ADAMTS17: variants seen among roughly 807,000 people sequenced by gnomAD.
ADAMTS17 encodes A disintegrin and metalloproteinase with thrombospondin motifs 17.
Under a neutral mutation model 141.5 loss-of-function variants are expected in ADAMTS17, and 113 were observed. The observed-to-expected ratio is 0.80, with a 90% confidence interval of 0.69 to 0.93. The LOEUF (loss-of-function observed/expected upper bound fraction) is 0.93. Ranked by LOEUF, ADAMTS17 falls within the 40% of genes least tolerant of loss-of-function variation. ADAMTS17 has a pLI of 0.00. For synonymous variants in ADAMTS17, 768 were observed against 630.6 expected, an observed-to-expected ratio of 1.22 and a Z score of -3.27; for missense variants, 1,659 against 1,517.9, an observed-to-expected ratio of 1.09 and a Z score of -1.54.
intron 18 of ADAMTS17, among the ~76,000 whole-genome samples, chr15:100,038,862 A>G (rs2030995483): frequency 6.6e-6 from 1 of 152,262 alleles, no homozygotes; most frequent in African/African-American, 2.4e-5. Context: ...TTGGATAGAA[A>G]TAGTAAGAGC....
intron 3 of ADAMTS17, among the ~76,000 whole-genome samples, chr15:100,314,469 G>T (rs1021533712): frequency 5.9e-5 from 9 of 152,190 alleles, no homozygotes; most frequent in African/African-American, 2.2e-4. Flanking sequence ...GGGAGAAAGG[G>T]TTGGAATACG....
intron 7 of ADAMTS17, among the ~76,000 whole-genome samples, chr15:100,234,232 GACAGT>G (rs2042583133): frequency 1.3e-5 from 2 of 152,192 alleles, no homozygotes; most frequent in Non-Finnish European, 2.9e-5. Flanking sequence ...CAGAAACAAA[GACAGT>G]ACAACAGCCA....
chr15:100,180,220 C>T (rs1412711558), intron 8 of ADAMTS17, among the ~76,000 whole-genome samples: 2 of 152,194 alleles, frequency 1.3e-5, no homozygotes, highest in East Asian at 3.8e-4. Context: ...GATCTAGTTT[C>T]AGTTTTCTGC....
chr15:100,190,869 C>A (rs1281857313), intron 8 of ADAMTS17, among the ~76,000 whole-genome samples: 1 of 152,244 alleles, frequency 6.6e-6, no homozygotes, highest in Non-Finnish European at 1.5e-5. Context: ...GGGCTCAGCG[C>A]TGGCCCTGGT....
chr15:100,189,991 A>C (rs560349243), intron 8 of ADAMTS17, among the ~76,000 whole-genome samples: 6 of 152,268 alleles, frequency 3.9e-5, no homozygotes, highest in African/African-American at 1.4e-4. Context: ...AACGCTGACC[A>C]GCCTGCCTTC....
chr15:100,087,857 C>T (rs1359959563), intron 15 of ADAMTS17, among the ~76,000 whole-genome samples: 2 of 152,176 alleles, frequency 1.3e-5, no homozygotes, highest in South Asian at 2.1e-4. Flanking sequence ...TAAGAGCTAT[C>T]TATGACAAAC....
intron 20 of ADAMTS17, among the ~76,000 whole-genome samples, chr15:99,988,984 G>A (rs570577842): frequency 2.6e-5 from 4 of 152,124 alleles, no homozygotes; most frequent in Non-Finnish European, 4.4e-5. Context: ...AGTGTCCAGC[G>A]AGTCCTCAGA....
Position 100,341,333 on chromosome 15 carries a change from C to T in ADAMTS17, c.156G>A (p.Pro52=). Residue 52 remains proline, a synonymous_variant, in exon 2 of 22, where the codon CCG becomes CCA. Coordinates refer to ENST00000268070, the MANE Select transcript of ADAMTS17 (RefSeq NM_139057.4). Reference sequence around the variant, plus strand: ...GTCGGGGCCCGGGGGCTGCGGGCAGCGGCGGCAGGTGCACGTCGTCGGGGC... The same window carrying T: ...GTCGGGGCCCGGGGGCTGCGGGCAGTGGCGGCAGGTGCACGTCGTCGGGGC... ...RVRPDDVHLP[P]LPAAPGPRRR... is the part of the protein sequence containing the mutation. The T allele has an allele frequency of 2.0e-6, 2 of 1,023,734 alleles. No homozygotes were observed. Among genetic ancestry groups the T allele is most frequent in the Non-Finnish European group, 1.2e-6 (1 of 857,196 alleles). The allele number at this position is 1,023,734 out of a possible 1,614,324, so 63.4% of individuals were successfully genotyped here.
Position 100,048,838 on chromosome 15 carries a change from A to G in ADAMTS17, c.2591+19T>C, listed in dbSNP as rs201082059. The G allele has an allele frequency of 4.9e-5, 79 of 1,614,080 alleles. 1 individual carries two copies. The African/African-American group carries it at 1.0e-3, about 21-fold the overall frequency. ...CCCCAGACTCTGGTGGGTCCAAGCTACAGAACCCAGCTTCTTACCGTGACT... is the reference window on the plus strand; with the variant it reads ...CCCCAGACTCTGGTGGGTCCAAGCTGCAGAACCCAGCTTCTTACCGTGACT... On this transcript the variant is annotated intron_variant, in intron 18 of 21. Coordinates refer to ENST00000268070, the MANE Select transcript of ADAMTS17 (RefSeq NM_139057.4).
intron 15 of ADAMTS17, among the ~76,000 whole-genome samples, chr15:100,058,872 G>T (rs2032877823): frequency 6.6e-6 from 1 of 152,214 alleles, no homozygotes; most frequent in Admixed American, 6.5e-5. Context: ...AGAGGCTGCG[G>T]CTGACGGACA....
At chr15:100,276,739 T>G (rs1413942702) in intron 4 of ADAMTS17, among the ~76,000 whole-genome samples, 5 of 152,134 alleles carry the variant, frequency 3.3e-5, no homozygotes, top group Admixed American at 6.5e-5. Context: ...CTGCTCTATG[T>G]TCCAGGGGGC....
intron 10 of ADAMTS17, among the ~76,000 whole-genome samples, chr15:100,137,879 C>A (rs1167396226): frequency 6.6e-6 from 1 of 152,030 alleles, no homozygotes; most frequent in African/African-American, 2.4e-5. Context: ...AACACCCACC[C>A]TTTCACTGCC....
At position 99,974,541 on chromosome 15, in the gene ADAMTS17, G is replaced by C; in HGVS notation, c.3149C>G (p.Thr1050Arg). 1 of 1,614,260 alleles carries C rather than the reference G, an allele frequency of 6.2e-7. No homozygotes were observed. The highest frequency in any genetic ancestry group is 8.5e-7 in the Non-Finnish European group (1 of 1,180,038). Residue 1050 changes from threonine (T) to arginine (R), a missense_variant, in exon 22 of 22, where the codon ACA (threonine) becomes AGA (arginine). Transcript: ENST00000268070. ...GCAATATACCGTCCACTGGTCTCGT[G>C]TGCATTTGTAGGTCAGAGCAGCTAA... ...PRLAALTYKC[T>R]RDQWTVYCRV...
intron 15 of ADAMTS17, among the ~76,000 whole-genome samples, chr15:100,077,611 A>G (rs1390872370): frequency 6.6e-6 from 1 of 152,178 alleles, no homozygotes; most frequent in Non-Finnish European, 1.5e-5. Flanking sequence ...AATAGAAGGG[A>G]GCATGCTCAA....
rs551113251 is a variant in ADAMTS17 at position 100,146,968 on chromosome 15, C to T, written c.1473+5644G>A. ...AGATGTTATCAATGACAGTGGTGCC[C>T]GAAACTTCATTAGCCATTTTAATTT... On this transcript the variant is annotated intron_variant, in intron 10 of 21. Transcript: ENST00000268070. 1.2e-4 allele frequency among the ~76,000 whole-genome samples: 19 copies of T among 152,202 alleles called. No homozygotes were observed. The East Asian group carries it at 2.9e-3, about 23-fold the overall frequency.
At chr15:100,041,876 AATAAAGGAAAGT>A (rs1289605538) in intron 18 of ADAMTS17, among the ~76,000 whole-genome samples, 2 of 152,194 alleles carry the variant, frequency 1.3e-5, no homozygotes, top group African/African-American at 4.8e-5. Flanking sequence ...GATCAGGAGA[AATAAAGGAAAGT>A]ATAAAGGAAA....
chr15:100,246,235 G>T (rs893975445), intron 7 of ADAMTS17, among the ~76,000 whole-genome samples: 1 of 152,064 alleles, frequency 6.6e-6, no homozygotes, highest in Admixed American at 6.5e-5. Context: ...TCAATCAGCC[G>T]AGAAATCCAA....
In ADAMTS17 at chr15:100,001,893, G is replaced by A. The variant is rs555480284; in HGVS notation, c.2592-4304C>T. Among the ~76,000 whole-genome samples the A allele has an allele frequency of 1.6e-3, 240 of 147,890 alleles. 5 individuals carry two copies. Among genetic ancestry groups the A allele is most frequent in the African/African-American group, 5.5e-3 (218 of 39,470 alleles). On this transcript the variant is annotated intron_variant, in intron 18 of 21. Coordinates refer to ENST00000268070, the MANE Select transcript of ADAMTS17 (RefSeq NM_139057.4). ...CTGAGGTGAGAGAACTGTCTGGACCGGGGAGGCAGAGGTTGTAGTGAGCCG... is the reference window on the plus strand; with the variant it reads ...CTGAGGTGAGAGAACTGTCTGGACCAGGGAGGCAGAGGTTGTAGTGAGCCG...
At chr15:100,322,253 G>T (rs1190275449) in intron 3 of ADAMTS17, among the ~76,000 whole-genome samples, 1 of 152,142 alleles carries the variant, frequency 6.6e-6, no homozygotes, top group Non-Finnish European at 1.5e-5. Flanking sequence ...AGAGTGCAGG[G>T]CAACAAGGTG....
Sources: allele counts gnomAD v4.1 joint callset (sites outside exome capture counted in the v4.1 genomes callset), GRCh38; gene constraint gnomAD v4.1.1; transcripts MANE v1.5; gene names NCBI Gene and HGNC (gene_info 2026-07-23, HGNC 2026-07-21).